The following OSBPL1A variants were observed in gnomAD, a reference collection of about 807,000 sequenced individuals.
OSBPL1A encodes the protein oxysterol binding protein like 1A.
A neutral mutation model predicts 137.1 loss-of-function variants in OSBPL1A; 80 were observed. The observed-to-expected ratio is 0.58, with a 90% CI of 0.49 to 0.70. The LOEUF is 0.70. Ranked by LOEUF, OSBPL1A falls within the 30% of genes least tolerant of loss-of-function variation. OSBPL1A has a pLI of 0.00. For synonymous variants in OSBPL1A, 365 were observed against 389.7 expected, an observed-to-expected ratio of 0.94 and a Z score of 0.75; for missense variants, 970 against 1,129.4, an observed-to-expected ratio of 0.86 and a Z score of 2.02.
chr18:24,197,678 T>TA (rs1404891557), intron 17 of OSBPL1A, among the ~76,000 whole-genome samples: 1 of 152,102 alleles, frequency 6.6e-6, no homozygotes, highest in African/African-American at 2.4e-5. Flanking sequence ...ACACGAATAA[T>TA]AGATACCAGG....
chr18:24,340,500 C>T (rs896966187), intron 5 of OSBPL1A, among the ~76,000 whole-genome samples: 38 of 151,692 alleles, frequency 2.5e-4, no homozygotes, highest in African/African-American at 8.2e-4. Context: ...ATAGTGAGAC[C>T]TCATCTCAAT....
intron 4 of OSBPL1A, among the ~76,000 whole-genome samples, chr18:24,358,945 G>C (rs146730785): frequency 1.3e-5 from 2 of 152,074 alleles, no homozygotes; most frequent in African/African-American, 4.8e-5. Context: ...GGCTGGGCAC[G>C]GTGGCTCATG....
chr18:24,187,024 C>G (rs2086766615), intron 18 of OSBPL1A, among the ~76,000 whole-genome samples: 1 of 151,630 alleles, frequency 6.6e-6, no homozygotes, highest in Non-Finnish European at 1.5e-5. Flanking sequence ...TGCACTGATG[C>G]TAGTCATAAA....
At chr18:24,294,679 C>G (rs1455043922) in intron 14 of OSBPL1A, among the ~76,000 whole-genome samples, 1 of 152,178 alleles carries the variant, frequency 6.6e-6, no homozygotes. Flanking sequence ...TCCTGAGTTT[C>G]TAAGTATTCC....
intron 4 of OSBPL1A, chr18:24,358,390 C>A (rs1198153290): frequency 2.9e-6 from 2 of 686,790 alleles, no homozygotes; most frequent in Non-Finnish European, 5.3e-6. Flanking sequence ...GAGCCGGCAG[C>A]ACTACTTGAC....
chr18:24,323,026 C>T (rs1047792145), intron 7 of OSBPL1A, among the ~76,000 whole-genome samples: 2 of 152,086 alleles, frequency 1.3e-5, no homozygotes, highest in Non-Finnish European at 2.9e-5. Context: ...AATTAATTTA[C>T]ATAGAATGTA....
At chr18:24,220,163 C>T (rs1292942325) in intron 17 of OSBPL1A, among the ~76,000 whole-genome samples, 2 of 152,264 alleles carry the variant, frequency 1.3e-5, no homozygotes, top group East Asian at 3.8e-4. Context: ...ATGACAGACA[C>T]CTGCCGTGGC....
At chr18:24,272,448 A>T (rs944825247) in intron 15 of OSBPL1A, among the ~76,000 whole-genome samples, 1 of 152,088 alleles carries the variant, frequency 6.6e-6, no homozygotes, top group African/African-American at 2.4e-5. Flanking sequence ...GCAACAAGGA[A>T]AACAACGGTA....
In OSBPL1A at chr18:24,368,324, T is replaced by C; in HGVS notation, c.170A>G (p.Tyr57Cys). Reference sequence around the variant, plus strand: ...CTGGACCACTTGTCTGTGTCCAAAATAGCATGCCAGATGTAGAGGTGTCCA... The same window carrying C: ...CTGGACCACTTGTCTGTGTCCAAAACAGCATGCCAGATGTAGAGGTGTCCA... Reference protein sequence around the residue: ...LGWTPLHLACYFGHRQVVQDL... With the variant: ...LGWTPLHLACCFGHRQVVQDL... Residue 57 changes from tyrosine (Y) to cysteine (C), a missense_variant, in exon 3 of 28, where the codon TAT (tyrosine) becomes TGT (cysteine). This residue lies in a region of OSBPL1A where 647 missense variants were observed against 672.6 expected (regional missense o/e 0.96). Coordinates refer to ENST00000319481, the MANE Select transcript of OSBPL1A (RefSeq NM_080597.4). 1.2e-6 allele frequency: 2 copies of C among 1,613,792 alleles called. No homozygotes were observed. The highest frequency in any genetic ancestry group is 8.5e-7 in the Non-Finnish European group (1 of 1,179,736).
chr18:24,375,130 C>A (rs1905994446), intron 2 of OSBPL1A, among the ~76,000 whole-genome samples: 1 of 151,882 alleles, frequency 6.6e-6, no homozygotes, highest in Non-Finnish European at 1.5e-5. Context: ...GCCTGGGGAA[C>A]ACAGCAAGAT....
At chr18:24,237,467 G>C (rs1490270539) in intron 16 of OSBPL1A, among the ~76,000 whole-genome samples, 1 of 152,024 alleles carries the variant, frequency 6.6e-6, no homozygotes, top group Non-Finnish European at 1.5e-5. Flanking sequence ...ATCACGCCTG[G>C]CTAATTTTTG....
chr18:24,252,595 GA>G (rs2089130915), intron 15 of OSBPL1A, among the ~76,000 whole-genome samples: 1 of 152,008 alleles, frequency 6.6e-6, no homozygotes, highest in Non-Finnish European at 1.5e-5. Flanking sequence ...TCTTTAATCT[GA>G]AAAAGGACAT....
chr18:24,268,541 G>GT (rs2089639440), intron 15 of OSBPL1A, among the ~76,000 whole-genome samples: 1 of 149,634 alleles, frequency 6.7e-6, no homozygotes, highest in African/African-American at 2.5e-5. Context: ...TTTTGTTTTT[G>GT]TTTTTTAGAA....
chr18:24,249,295 T>G (rs1413357380), intron 15 of OSBPL1A, among the ~76,000 whole-genome samples: 3 of 152,200 alleles, frequency 2.0e-5, no homozygotes, highest in African/African-American at 7.2e-5. Context: ...GTATAATGTA[T>G]TTAAAATTTC....
intron 21 of OSBPL1A, among the ~76,000 whole-genome samples, chr18:24,174,713 C>A (rs1018989329): frequency 2.0e-5 from 3 of 152,024 alleles, no homozygotes; most frequent in Non-Finnish European, 4.4e-5. Flanking sequence ...TAGGATAGCT[C>A]ATTGTGGTTT....
At chr18:24,305,575 T>C (rs533634521) in intron 13 of OSBPL1A, among the ~76,000 whole-genome samples, 1 of 152,194 alleles carries the variant, frequency 6.6e-6, no homozygotes, top group Non-Finnish European at 1.5e-5. Flanking sequence ...TAAAAATCAA[T>C]TTATGAAAGT....
chr18:24,322,015 G>A (rs2090869452), intron 7 of OSBPL1A, among the ~76,000 whole-genome samples: 1 of 151,994 alleles, frequency 6.6e-6, no homozygotes, highest in Non-Finnish European at 1.5e-5. Flanking sequence ...ACAAAGAGAT[G>A]GCAATAGTGC....
intron 4 of OSBPL1A, among the ~76,000 whole-genome samples, chr18:24,359,998 G>A (rs981493877): frequency 2.6e-5 from 4 of 152,020 alleles, no homozygotes; most frequent in Non-Finnish European, 5.9e-5. Flanking sequence ...ACAGAGTTTC[G>A]CTGTGGTCAC....
chr18:24,242,052 C>A lies in OSBPL1A; in HGVS notation c.1282-2670G>T, dbSNP rs536131783. Among the ~76,000 whole-genome samples the A allele has an allele frequency of 6.0e-5, 9 of 151,198 alleles. No homozygotes were observed. The South Asian group carries it at 1.9e-3, about 32-fold the overall frequency. ...TAGAAAATCAAACACCGAATGTTCTCACTCTTAAGTGGGAGTTGAACAATG... is the reference window on the plus strand; with the variant it reads ...TAGAAAATCAAACACCGAATGTTCTAACTCTTAAGTGGGAGTTGAACAATG... On this transcript the variant is annotated intron_variant, in intron 15 of 27. Transcript: ENST00000319481.
Sources: gnomAD v4.1 joint callset for allele counts (sites outside exome capture counted in the v4.1 genomes callset) on GRCh38, gnomAD v4.1.1 for gene constraint, gnomAD v4.1.1 regional missense constraint, MANE v1.5 for transcripts, NCBI Gene and HGNC (gene_info 2026-07-23, HGNC 2026-07-21) for gene names.